PCYT1A: variants seen among roughly 807,000 people sequenced by gnomAD.
PCYT1A encodes choline-phosphate cytidylyltransferase A.
A neutral mutation model predicts 43.7 loss-of-function variants in PCYT1A; 25 were observed. The ratio of observed to expected loss-of-function variants is 0.57; its 90% CI spans 0.42 to 0.80. The LOEUF (loss-of-function observed/expected upper bound fraction) is 0.80. Among genes scored for constraint, PCYT1A ranks in the 30% least tolerant of loss-of-function variants. The probability of loss-of-function intolerance (pLI) is 0.00; values close to 1 mark genes in which losing one functional copy is unlikely to be tolerated. For synonymous variants in PCYT1A, 172 were observed against 170.7 expected, an observed-to-expected ratio of 1.01 and a Z score of -0.06; for missense variants, 421 against 474.2, an observed-to-expected ratio of 0.89 and a Z score of 1.04.
intron 1 of PCYT1A, among the ~76,000 whole-genome samples, chr3:196,280,567 A>ATTG (rs1725735490): frequency 2.4e-5 from 1 of 40,866 alleles, no homozygotes; most frequent in Non-Finnish European, 5.0e-5. Flanking sequence ...TGGTATTTTT[A>ATTG]TTGTTTTTTT....
In PCYT1A at chr3:196,247,164, TA is replaced by T. The variant is rs1409788496; in HGVS notation, c.486+202del. The stretch of plus-strand genomic sequence containing the variant: ...GGCAGAAAATGGAATAGAATGGATG[TA>T]AAAGTGCTTGCAAACCATCCAGCCC... On this transcript the variant is annotated intron_variant, in intron 5 of 8. Transcript: ENST00000431016. This position sits in a 1 kb window ranked among gnomAD's most constrained non-coding sequence, Gnocchi z 4.8. Among the ~76,000 whole-genome samples the T allele has an allele frequency of 2.6e-5, 4 of 152,232 alleles. No individual in the cohort carries two copies. The highest frequency in any genetic ancestry group is 9.7e-5 in the African/African-American group (4 of 41,450).
At chr3:196,249,139 T>G (rs1200985592) in intron 3 of PCYT1A, among the ~76,000 whole-genome samples, 1 of 151,688 alleles carries the variant, frequency 6.6e-6, no homozygotes, top group Non-Finnish European at 1.5e-5. Flanking sequence ...GAAAAATGAC[T>G]ATAAAGACCT....
At chr3:196,267,716 C>CA (rs914922215) in intron 2 of PCYT1A, among the ~76,000 whole-genome samples, 37 of 131,388 alleles carry the variant, frequency 2.8e-4, no homozygotes, top group Middle Eastern at 3.8e-3. Flanking sequence ...GACCCTGTCT[C>CA]AAAAAAAAAA....
At chr3:196,239,782 T>C in intron 7 of PCYT1A, 47 bp from the exon 8 acceptor site, 1 of 1,285,468 alleles carries the variant, frequency 7.8e-7, no homozygotes, top group African/African-American at 1.5e-5. Flanking sequence ...CATCCTAAAC[T>C]TCTCTACCAT....
rs1724830614 is a variant in PCYT1A, at chr3:196,252,403, A to G, written c.218-4080T>C. ...ACTGGGATTACAGGCGAAAGCCACC[A>G]AGCCGGGATAATTTTTGTATTTTTA... On this transcript the variant is annotated intron_variant, in intron 3 of 8. Coordinates refer to ENST00000431016, the MANE Select transcript of PCYT1A (RefSeq NM_001312673.2). The surrounding 1 kb of genome is among the most constrained non-coding windows in gnomAD (Gnocchi z 4.0). Among the ~76,000 whole-genome samples, 1 of 152,084 alleles carries G rather than the reference A, an allele frequency of 6.6e-6. No homozygotes were observed. The highest frequency in any genetic ancestry group is 2.4e-5 in the African/African-American group (1 of 41,410).
At chr3:196,281,616 G>A (rs79308786) in intron 1 of PCYT1A, among the ~76,000 whole-genome samples, 12 of 152,206 alleles carry the variant, frequency 7.9e-5, no homozygotes, top group Non-Finnish European at 1.2e-4. Context: ...AATCTGGCCC[G>A]TTACTGAAAA....
chr3:196,253,576 G>A (rs1355213475), intron 3 of PCYT1A, among the ~76,000 whole-genome samples: 1 of 152,186 alleles, frequency 6.6e-6, no homozygotes, highest in Non-Finnish European at 1.5e-5. Context: ...ACAGAATGCT[G>A]TTGATCAAGT....
chr3:196,238,553 A>G lies in PCYT1A; in HGVS notation c.*135T>C. 1 of 610,048 alleles carries G rather than the reference A, an allele frequency of 1.6e-6. No individual in the cohort carries two copies. Among genetic ancestry groups the G allele is most frequent in the Non-Finnish European group, 2.8e-6 (1 of 362,916 alleles). The allele number at this position is 610,048 out of a possible 1,614,324, so 37.8% of individuals were successfully genotyped here. ...AGGCTGTTTGGGTTCCCCCAGTCCTAGGTCTTCTTTCCCCAGTTGTCTTTC... is the reference window on the plus strand; with the variant it reads ...AGGCTGTTTGGGTTCCCCCAGTCCTGGGTCTTCTTTCCCCAGTTGTCTTTC... On this transcript the variant is annotated 3_prime_UTR_variant, in exon 9 of 9. Transcript: ENST00000431016.
At position 196,277,886 on chromosome 3, in the gene PCYT1A, C is replaced by T. The variant is rs1189768403; in HGVS notation, c.-10-7345G>A. 2.0e-5 allele frequency among the ~76,000 whole-genome samples: 3 copies of T among 152,126 alleles called. No individual in the cohort carries two copies. Among genetic ancestry groups the T allele is most frequent in the Non-Finnish European group, 4.4e-5 (3 of 68,000 alleles). Reference sequence around the variant, plus strand: ...AGACTTTGTCTCAAAATAATAATAACAATAATAAACTTTTACTCTGTAGGT... The same window carrying T: ...AGACTTTGTCTCAAAATAATAATAATAATAATAAACTTTTACTCTGTAGGT... On this transcript the variant is annotated intron_variant, in intron 1 of 8. Transcript: ENST00000431016. The surrounding 1 kb of genome is among the most constrained non-coding windows in gnomAD (Gnocchi z 4.1).
chr3:196,263,214 T>C (rs1725167623), intron 2 of PCYT1A, among the ~76,000 whole-genome samples: 1 of 152,162 alleles, frequency 6.6e-6, no homozygotes, highest in South Asian at 2.1e-4. Flanking sequence ...CCCAATTGTT[T>C]CTATTTTTTT....
intron 8 of PCYT1A, 32 bp downstream of exon 8, chr3:196,239,515 C>A: frequency 7.1e-7 from 1 of 1,401,908 alleles, no homozygotes; most frequent in Non-Finnish European, 1.0e-6. Context: ...CAACATGGAA[C>A]TCCCTACATT....
chr3:196,285,313 G>C (rs1488498024), intron 1 of PCYT1A, among the ~76,000 whole-genome samples: 1 of 152,098 alleles, frequency 6.6e-6, no homozygotes, highest in African/African-American at 2.4e-5. Context: ...ACAAAAATTA[G>C]CCAGGCATGG....
intron 3 of PCYT1A, chr3:196,250,821 T>G (rs575252739): frequency 5.8e-6 from 1 of 172,364 alleles, no homozygotes; most frequent in Admixed American, 6.5e-5. Context: ...ATGCTGAGGT[T>G]GAGGACCAGA....
At chr3:196,279,614 CT>C (rs1225381530) in intron 1 of PCYT1A, among the ~76,000 whole-genome samples, 2 of 152,156 alleles carry the variant, frequency 1.3e-5, no homozygotes, top group Non-Finnish European at 2.9e-5. Flanking sequence ...CAACACATGC[CT>C]GCTGAGGCAC....
At chr3:196,272,270 C>T (rs556091991) in intron 1 of PCYT1A, among the ~76,000 whole-genome samples, 1 of 151,986 alleles carries the variant, frequency 6.6e-6, no homozygotes, top group African/African-American at 2.4e-5. Flanking sequence ...CTACAACCTC[C>T]GCCTCCCAGG....
chr3:196,262,912 A>G (rs1248001825), intron 2 of PCYT1A, among the ~76,000 whole-genome samples: 1 of 151,184 alleles, frequency 6.6e-6, no homozygotes, highest in East Asian at 2.0e-4. Flanking sequence ...CTCCTGCCTC[A>G]GCCTCCCGAG....
rs552867834 is a variant in PCYT1A, at chr3:196,267,379, G to A, written c.117+3036C>T. The A allele has an allele frequency of 5.0e-3, 2,276 of 454,710 alleles. 12 individuals carry two copies. The highest frequency in any genetic ancestry group is 8.5e-3 in the Non-Finnish European group (1,932 of 226,824). 28.2% of individuals were successfully genotyped at this position (454,710 alleles called of 1,614,324 possible). On this transcript the variant is annotated intron_variant, in intron 2 of 8. Coordinates refer to ENST00000431016, the MANE Select transcript of PCYT1A (RefSeq NM_001312673.2). ...AGGCTGGAGAGACTGGGGGGAAATG[G>A]GGAGTGACTGCTAATGAGTACAGGC...
chr3:196,283,406 C>T (rs2108784175), intron 1 of PCYT1A: 1 of 152,200 alleles, frequency 6.6e-6, no homozygotes, highest in East Asian at 1.9e-4. Flanking sequence ...TATCTATTAA[C>T]CTGGTTTACG....
chr3:196,280,799 TTC>T (rs1239420297), intron 1 of PCYT1A, among the ~76,000 whole-genome samples: 1 of 152,082 alleles, frequency 6.6e-6, no homozygotes, highest in East Asian at 1.9e-4. Context: ...AATGTGGCTG[TTC>T]TCTCTCACTC....
Sources: gnomAD v4.1 joint callset for allele counts (sites outside exome capture counted in the v4.1 genomes callset) on GRCh38, gnomAD v4.1.1 for gene constraint, Gnocchi (gnomAD v3.1) non-coding constraint, MANE v1.5 for transcripts, NCBI Gene and HGNC (gene_info 2026-07-23, HGNC 2026-07-21) for gene names.